Variants in TRIM9 observed in about 807,000 individuals in gnomAD.
The protein encoded by TRIM9 is tripartite motif containing 9.
In TRIM9, 26 loss-of-function variants were observed where a neutral mutation model predicts 78.3. The ratio of observed to expected loss-of-function variants is 0.33; its 90% CI spans 0.24 to 0.46. TRIM9 has a LOEUF of 0.46. Among genes scored for constraint, TRIM9 ranks in the 20% least tolerant of loss-of-function variants. The pLI is 1.00. For missense variants in TRIM9, 787 were observed against 1,036.4 expected, an observed-to-expected ratio of 0.76 and a Z score of 3.30; for synonymous variants, 398 against 416.5, an observed-to-expected ratio of 0.96 and a Z score of 0.54.
At position 51,009,087 on chromosome 14, in the gene TRIM9, T is replaced by C; in HGVS notation, c.1299A>G (p.Gln433=). The change falls in exon 5 of 13, where the codon CAA becomes CAG. Residue 433 remains glutamine (Q), a synonymous_variant. Coordinates refer to ENST00000684578, the MANE Select transcript of TRIM9 (RefSeq NM_001387360.1). ...GGGGATGCAAGGACATACCTTTCACTTGCACGAAATCCAGCTGGTGGATGG... is the reference window on the plus strand; with the variant it reads ...GGGGATGCAAGGACATACCTTTCACCTGCACGAAATCCAGCTGGTGGATGG... ...LQSIHQLDFV[Q]VKASSPVPAT... is the part of the protein sequence containing the mutation. 1 of 1,613,926 alleles carries C rather than the reference T, an allele frequency of 6.2e-7. No homozygotes were observed. The highest frequency in any genetic ancestry group is 8.5e-7 in the Non-Finnish European group (1 of 1,179,868).
chr14:51,051,147 C>A (rs113285535), intron 1 of TRIM9, among the ~76,000 whole-genome samples: 1 of 152,288 alleles, frequency 6.6e-6, no homozygotes, highest in African/African-American at 2.4e-5. Flanking sequence ...GTAAGGAATT[C>A]ATATGTTCTG....
At chr14:50,982,368 G>A (rs547914774) in intron 10 of TRIM9, 28 of 517,398 alleles carry the variant, frequency 5.4e-5, no homozygotes, top group African/African-American at 5.0e-4. Flanking sequence ...GAGTGAAGTG[G>A]CATCGATTTT....
chr14:51,076,951 T>C (rs937960539), intron 1 of TRIM9, among the ~76,000 whole-genome samples: 13 of 152,202 alleles, frequency 8.5e-5, no homozygotes, highest in African/African-American at 2.7e-4. Flanking sequence ...GTCCCCACTA[T>C]GGTTTTATTA....
At chr14:51,074,693 G>A (rs1166170990) in intron 1 of TRIM9, among the ~76,000 whole-genome samples, 1 of 152,210 alleles carries the variant, frequency 6.6e-6, no homozygotes, top group Non-Finnish European at 1.5e-5. Context: ...GGTAATTACA[G>A]ATCCACCAGT....
intron 8 of TRIM9, among the ~76,000 whole-genome samples, chr14:50,983,799 C>T (rs2052322535): frequency 6.6e-6 from 1 of 152,210 alleles, no homozygotes; most frequent in South Asian, 2.1e-4. Context: ...ACTCTGCTCT[C>T]ACTATTCTAT....
rs527754127 is a variant in TRIM9, at chr14:51,071,560, G to A, written c.822+22558C>T. Among the ~76,000 whole-genome samples, 25 of 152,082 alleles carry A rather than the reference G, an allele frequency of 1.6e-4. No homozygotes were observed. The South Asian group carries it at 5.2e-3, about 32-fold the overall frequency. ...TACACCTGTAATCCCACCACTTTGG[G>A]AGGCCAAGGTGGTAGGATGATCGCT... On this transcript the variant is annotated intron_variant, in intron 1 of 12. Transcript: ENST00000684578.
chr14:51,043,358 C>A (rs888762095), intron 1 of TRIM9, among the ~76,000 whole-genome samples: 1 of 151,944 alleles, frequency 6.6e-6, no homozygotes. Flanking sequence ...AGGGGGTCGG[C>A]GGGGAATAGT....
rs984082732 is a variant in TRIM9, at chr14:51,025,277, G to A, written c.906C>T (p.Val302=). ...GTAACACCCATACCTGGATCTGCTG[G>A]ACCATGTTGCGCAGCTGTACCAGAA... ...KEFLVQLRNM[V]QQIQENSVEF... Residue 302 remains valine, a synonymous_variant, in exon 2 of 13, where the codon GTC becomes GTT. Coordinates refer to ENST00000684578, the MANE Select transcript of TRIM9 (RefSeq NM_001387360.1). 6.2e-7 allele frequency: 1 copy of A among 1,614,046 alleles called. No individual in the cohort carries two copies. Among genetic ancestry groups the A allele is most frequent in the Non-Finnish European group, 8.5e-7 (1 of 1,180,032 alleles).
At chr14:51,027,651 C>A (rs1054776522) in intron 1 of TRIM9, among the ~76,000 whole-genome samples, 2 of 152,168 alleles carry the variant, frequency 1.3e-5, no homozygotes, top group African/African-American at 4.8e-5. Flanking sequence ...TTGCAAAATT[C>A]TTTATGATTG....
intron 5 of TRIM9, among the ~76,000 whole-genome samples, chr14:51,008,623 C>G (rs2056152891): frequency 6.6e-6 from 1 of 152,200 alleles, no homozygotes; most frequent in Non-Finnish European, 1.5e-5. Flanking sequence ...TTGCATTTTT[C>G]TGCCAGTATT....
intron 7 of TRIM9, chr14:50,996,023 A>G (rs2054170317): frequency 2.3e-6 from 2 of 870,780 alleles, no homozygotes; most frequent in Admixed American, 6.2e-5. Context: ...GTCTCACTGA[A>G]TGTATTAGAA....
intron 6 of TRIM9, among the ~76,000 whole-genome samples, chr14:50,999,366 A>G (rs554897532): frequency 5.9e-5 from 7 of 118,622 alleles, no homozygotes; most frequent in Admixed American, 4.9e-4. Flanking sequence ...CACACACACA[A>G]CACACACACA....
chr14:50,993,604 G>C (rs548303478), intron 7 of TRIM9, among the ~76,000 whole-genome samples: 14 of 152,038 alleles, frequency 9.2e-5, no homozygotes, highest in Non-Finnish European at 1.8e-4. Context: ...TTGACCTCAG[G>C]AGATCTGCCC....
intron 1 of TRIM9, among the ~76,000 whole-genome samples, chr14:51,052,042 A>G (rs148319060): frequency 1.3e-5 from 2 of 149,592 alleles, no homozygotes; most frequent in Non-Finnish European, 3.0e-5. Flanking sequence ...GGGGAGGGAA[A>G]AGAAGAGAAG....
At chr14:51,022,237 C>T (rs1024156366) in intron 3 of TRIM9, among the ~76,000 whole-genome samples, 3 of 152,210 alleles carry the variant, frequency 2.0e-5, no homozygotes, top group African/African-American at 7.2e-5. Flanking sequence ...CCCCTGCCTT[C>T]ATGAATGGAC....
intron 1 of TRIM9, among the ~76,000 whole-genome samples, chr14:51,044,532 C>T (rs1256804189): frequency 6.6e-6 from 1 of 152,142 alleles, no homozygotes; most frequent in African/African-American, 2.4e-5. Flanking sequence ...TTTATTCTTT[C>T]TGCCCTCTGA....
intron 7 of TRIM9, chr14:50,997,690 T>C: frequency 3.5e-6 from 4 of 1,147,468 alleles, no homozygotes; most frequent in Non-Finnish European, 4.3e-6. Flanking sequence ...TGGCACATGA[T>C]GTGTATCGGT....
In TRIM9 at chr14:50,977,277, T is replaced by C; in HGVS notation, c.*14A>G. The stretch of plus-strand genomic sequence containing the variant: ...GAGGTAAGAACAGGCAGCTGGCGCC[T>C]CCACGGCACATCCTTAGGCTATTGA... On this transcript the variant is annotated 3_prime_UTR_variant, in exon 13 of 13. Transcript: ENST00000684578. The C allele has an allele frequency of 6.7e-7, 1 of 1,483,468 alleles. No homozygotes were observed. The highest frequency in any genetic ancestry group is 2.2e-5 in the Admixed American group (1 of 44,540). 91.9% of individuals were successfully genotyped at this position (1,483,468 alleles called of 1,614,324 possible). A position where few individuals can be genotyped will look rare whatever the true frequency, so the allele number is the denominator to read the frequency against.
At chr14:51,045,177 A>G (rs1334916371) in intron 1 of TRIM9, among the ~76,000 whole-genome samples, 1 of 152,230 alleles carries the variant, frequency 6.6e-6, no homozygotes, top group Admixed American at 6.5e-5. Context: ...GTCTGTGATG[A>G]GAAATCAGAG....
Sources: allele counts gnomAD v4.1 joint callset (sites outside exome capture counted in the v4.1 genomes callset), GRCh38; gene constraint gnomAD v4.1.1; transcripts MANE v1.5; gene names NCBI Gene and HGNC (gene_info 2026-07-23, HGNC 2026-07-21).